Variants in GLIS3 observed in about 807,000 individuals in gnomAD.
GLIS3 encodes zinc finger protein GLIS3.
GLIS3 carries 53 observed loss-of-function variants against 78.6 expected under a neutral mutation model. That is an observed-to-expected ratio of 0.67 (90% CI 0.54 to 0.85). GLIS3 has a LOEUF of 0.85. Among genes scored for constraint, GLIS3 ranks in the 40% least tolerant of loss-of-function variants. The pLI is 0.00. For missense variants in GLIS3, 1,703 were observed against 1,231.1 expected (o/e 1.38, Z -5.74); for synonymous variants, 684 against 509.9 (o/e 1.34, Z -4.60).
At chr9:4,127,848 G>C (rs765266072) in intron 2 of GLIS3, among the ~76,000 whole-genome samples, 10 of 152,014 alleles carry the variant, frequency 6.6e-5, no homozygotes, top group Non-Finnish European at 1.3e-4. Flanking sequence ...TCAGAAAAAA[G>C]GTATTAATAT....
At chr9:3,858,134 C>T (rs1245575291) in intron 8 of GLIS3, among the ~76,000 whole-genome samples, 1 of 152,056 alleles carries the variant, frequency 6.6e-6, no homozygotes, top group Non-Finnish European at 1.5e-5. Flanking sequence ...TGATCGGCTC[C>T]CCAATTCTGT....
chr9:4,211,402 G>C (rs574704247), intron 2 of GLIS3, among the ~76,000 whole-genome samples: 67 of 152,282 alleles, frequency 4.4e-4, no homozygotes, highest in African/African-American at 1.6e-3. Flanking sequence ...TGCAGAAAGA[G>C]ATCTATCAAG....
At chr9:4,340,358 C>A (rs1261238251) in intron 2 of GLIS3, among the ~76,000 whole-genome samples, 2 of 119,346 alleles carry the variant, frequency 1.7e-5, no homozygotes, top group South Asian at 2.6e-4. Flanking sequence ...GACTTTTGAG[C>A]TGAATAGAAG....
intron 2 of GLIS3, among the ~76,000 whole-genome samples, chr9:4,143,066 A>G (rs1026856675): frequency 1.3e-5 from 2 of 152,088 alleles, no homozygotes; most frequent in Non-Finnish European, 2.9e-5. Flanking sequence ...GAATAAAGAT[A>G]TGTGTCTTTT....
intron 4 of GLIS3, among the ~76,000 whole-genome samples, chr9:3,956,699 C>G (rs939479754): frequency 2.0e-5 from 3 of 152,122 alleles, no homozygotes; most frequent in Admixed American, 2.0e-4. Flanking sequence ...TTCCTCCTTT[C>G]ATTACCGAAG....
chr9:4,304,351 C>G (rs1284922081), upstream of GLIS3, among the ~76,000 whole-genome samples: 1 of 152,144 alleles, frequency 6.6e-6, no homozygotes, highest in Admixed American at 6.6e-5. Flanking sequence ...TTTCTGTACC[C>G]CTAGGCTTTT....
rs941432718 is a variant in GLIS3 at position 4,136,080 on chromosome 9, C to T, written c.389-10139G>A. On this transcript the variant is annotated intron_variant, in intron 2 of 10. Transcript: ENST00000381971. ...AATAACCGGCTCCTATATTCAGGGG[C>T]AAAGCAATCGAATTTGGCAATTGTG... 3.3e-5 allele frequency among the ~76,000 whole-genome samples: 5 copies of T among 152,130 alleles called. No homozygotes were observed. The East Asian group carries it at 9.6e-4, about 29-fold the overall frequency.
chr9:3,937,292 A>T, intron 4 of GLIS3, 103 bp from the exon 5 acceptor site: 1 of 1,123,612 alleles, frequency 8.9e-7, no homozygotes, highest in Non-Finnish European at 1.3e-6. Flanking sequence ...TTTGCCGAAA[A>T]TGATAAAATA....
chr9:4,354,817 T>C, the GLIS3 span, among the ~76,000 whole-genome samples: 1 of 152,118 alleles, frequency 6.6e-6, no homozygotes, highest in Non-Finnish European at 1.5e-5. Context: ...TACTGTCACC[T>C]TTAAGAGTTC....
At chr9:3,880,008 T>C (rs1206585202) in intron 7 of GLIS3, among the ~76,000 whole-genome samples, 3 of 152,160 alleles carry the variant, frequency 2.0e-5, no homozygotes, top group African/African-American at 7.2e-5. Flanking sequence ...GCCTTCTTCC[T>C]CTTCTCACTG....
intron 2 of GLIS3, among the ~76,000 whole-genome samples, chr9:4,190,575 C>T (rs1028361300): frequency 1.3e-5 from 2 of 148,438 alleles, no homozygotes; most frequent in South Asian, 2.4e-4. Flanking sequence ...CTGAAAGTGA[C>T]GGGGAGAATG....
chr9:4,230,127 T>C (rs1044626625), intron 2 of GLIS3, among the ~76,000 whole-genome samples: 1 of 152,230 alleles, frequency 6.6e-6, no homozygotes, highest in Admixed American at 6.5e-5. Flanking sequence ...GTCAGTCCTG[T>C]AAGTTCAAGC....
chr9:4,181,047 G>C (rs1157976597), intron 2 of GLIS3, among the ~76,000 whole-genome samples: 4 of 152,224 alleles, frequency 2.6e-5, no homozygotes, highest in African/African-American at 7.2e-5. Flanking sequence ...GATGAGCTGA[G>C]TCAAACTTCC....
chr9:4,204,566 C>G (rs144235104), intron 2 of GLIS3, among the ~76,000 whole-genome samples: 2 of 152,138 alleles, frequency 1.3e-5, no homozygotes, highest in African/African-American at 4.8e-5. Context: ...ATGCAGAGAA[C>G]CAGGGAGGTT....
chr9:4,262,008 G>C (rs907848135), intron 2 of GLIS3, among the ~76,000 whole-genome samples: 1 of 152,198 alleles, frequency 6.6e-6, no homozygotes, highest in African/African-American at 2.4e-5. Context: ...TAAGGTGGTT[G>C]TCTAGTGCTT....
At chr9:4,391,406 T>C in the GLIS3 span, among the ~76,000 whole-genome samples, 1 of 152,200 alleles carries the variant, frequency 6.6e-6, no homozygotes, top group Non-Finnish European at 1.5e-5. Context: ...CTACTTCTTT[T>C]GGATTAATAA....
At chr9:3,871,054 A>G (rs900391294) in intron 8 of GLIS3, among the ~76,000 whole-genome samples, 2 of 152,328 alleles carry the variant, frequency 1.3e-5, no homozygotes, top group South Asian at 4.1e-4. Context: ...ATTGGCCAAA[A>G]CAGAGGGGCT....
At chr9:4,186,231 G>C (rs138427231) in intron 2 of GLIS3, among the ~76,000 whole-genome samples, 5 of 143,194 alleles carry the variant, frequency 3.5e-5, no homozygotes, top group East Asian at 2.1e-4. Context: ...TCTCACCTAT[G>C]AGTGAGAACA....
At chr9:4,309,889 C>T (rs1488391018) in intron 3 of GLIS3, among the ~76,000 whole-genome samples, 2 of 152,132 alleles carry the variant, frequency 1.3e-5, no homozygotes, top group East Asian at 3.8e-4. Flanking sequence ...ATTTATAATG[C>T]ACAAATTTGG....
Sources: gnomAD v4.1 joint callset for allele counts (sites outside exome capture counted in the v4.1 genomes callset) on GRCh38, gnomAD v4.1.1 for gene constraint, MANE v1.5 for transcripts, NCBI Gene and HGNC (gene_info 2026-07-23, HGNC 2026-07-21) for gene names.